GALNT13: variants seen among roughly 807,000 people sequenced by gnomAD.
The protein encoded by GALNT13 is UDP-GalNAc:polypeptide N-acetylgalactosaminyltransferase 13.
Under a neutral mutation model 64.2 loss-of-function variants are expected in GALNT13, and 28 were observed. That is an observed-to-expected ratio of 0.44 (90% CI 0.32 to 0.60). The LOEUF (loss-of-function observed/expected upper bound fraction) is 0.60. Ranked by LOEUF, GALNT13 falls within the 20% of genes least tolerant of loss-of-function variation. The probability of loss-of-function intolerance (pLI) is 0.05; values close to 1 mark genes in which losing one functional copy is unlikely to be tolerated. For missense variants in GALNT13, 577 were observed against 669.8 expected (o/e 0.86, Z 1.53); for synonymous variants, 214 against 224.6 (o/e 0.95, Z 0.42).
chr2:153,126,294 T>TTATA, the GALNT13 span, among the ~76,000 whole-genome samples: 119 of 50,908 alleles, frequency 2.3e-3, 7 homozygotes, highest in Non-Finnish European at 3.5e-3. Context: ...AGTATTGATT[T>TTATA]TGTATATATA....
chr2:153,446,849 G>A, the GALNT13 span: 12 of 152,078 alleles, frequency 7.9e-5, no homozygotes, highest in African/African-American at 2.9e-4. Context: ...CATTAGGTAA[G>A]CTGCTGCTGA....
chr2:154,309,126 A>G (rs1693896723), intron 9 of GALNT13, among the ~76,000 whole-genome samples: 1 of 152,228 alleles, frequency 6.6e-6, no homozygotes, highest in Non-Finnish European at 1.5e-5. Context: ...ACATGAGCAC[A>G]TGTAATTAGT....
chr2:153,983,945 C>CTGCAAT (rs1694630228), intron 3 of GALNT13, among the ~76,000 whole-genome samples: 2 of 152,042 alleles, frequency 1.3e-5, no homozygotes, highest in Admixed American at 1.3e-4. Context: ...TTAATGGTAT[C>CTGCAAT]ACAGAACTGC....
the GALNT13 span, among the ~76,000 whole-genome samples, chr2:153,690,582 T>C: frequency 1.3e-5 from 2 of 152,158 alleles, no homozygotes; most frequent in Non-Finnish European, 2.9e-5. Flanking sequence ...GGTCAGATGA[T>C]AGATTTATAG....
chr2:153,418,863 G>T, the GALNT13 span, among the ~76,000 whole-genome samples: 1 of 152,098 alleles, frequency 6.6e-6, no homozygotes. Context: ...GTCTGAAAAG[G>T]TAAATAAATA....
chr2:153,908,857 T>A (rs532113750), intron 2 of GALNT13, among the ~76,000 whole-genome samples: 4 of 152,038 alleles, frequency 2.6e-5, no homozygotes, highest in Admixed American at 6.6e-5. Context: ...TGCTGAGATA[T>A]CTTGCCTTGG....
chr2:154,333,475 C>A (rs959192169), intron 9 of GALNT13, among the ~76,000 whole-genome samples: 22 of 152,082 alleles, frequency 1.4e-4, no homozygotes, highest in Admixed American at 1.2e-3. Context: ...AAGTAGGAAA[C>A]TCAATTACAT....
At chr2:153,656,339 T>TGTGTGTGCGCGC in the GALNT13 span, among the ~76,000 whole-genome samples, 2 of 141,474 alleles carry the variant, frequency 1.4e-5, no homozygotes, top group African/African-American at 2.5e-5. Flanking sequence ...TGTGTGTGTG[T>TGTGTGTGCGCGC]GCGCGCGCAC....
chr2:153,645,327 G>A, the GALNT13 span, among the ~76,000 whole-genome samples: 14 of 151,872 alleles, frequency 9.2e-5, no homozygotes, highest in South Asian at 2.1e-4. Flanking sequence ...TTTTCCAATA[G>A]CATAATTTCA....
intron 11 of GALNT13, among the ~76,000 whole-genome samples, chr2:154,411,317 TAC>T (rs59114913): frequency 0.018 from 2,588 of 147,798 alleles, 58 homozygotes; most frequent in African/African-American, 0.054. Flanking sequence ...TAATTGCACA[TAC>T]ACACACACAC....
At chr2:153,549,440 A>T in the GALNT13 span, among the ~76,000 whole-genome samples, 1 of 152,198 alleles carries the variant, frequency 6.6e-6, no homozygotes, top group Non-Finnish European at 1.5e-5. Flanking sequence ...GGTAGAGCTT[A>T]TTTCCTTTCT....
At chr2:154,156,654 G>C (rs1684439555) in intron 4 of GALNT13, among the ~76,000 whole-genome samples, 1 of 152,124 alleles carries the variant, frequency 6.6e-6, no homozygotes, top group Admixed American at 6.6e-5. Flanking sequence ...GCTGACATTT[G>C]AAGTAAGGCT....
chr2:153,250,563 T>C, the GALNT13 span, among the ~76,000 whole-genome samples: 1 of 152,180 alleles, frequency 6.6e-6, no homozygotes. Flanking sequence ...ATCATTCTAC[T>C]ATAAAGACAC....
chr2:154,441,439 G>C (rs1300620880), intron 12 of GALNT13, among the ~76,000 whole-genome samples: 1 of 152,080 alleles, frequency 6.6e-6, no homozygotes, highest in South Asian at 2.1e-4. Flanking sequence ...CTCTGAGGTG[G>C]TGCAGGTTCA....
chr2:154,042,248 C>G lies in GALNT13; in HGVS notation c.142+97609C>G, dbSNP rs538529343. ...TGTTACCTTGAGCATAAAACGGAAA[C>G]GATGACATTACCCCAGTAATTATAG... On this transcript the variant is annotated intron_variant, in intron 3 of 12. Coordinates refer to ENST00000392825, the MANE Select transcript of GALNT13 (RefSeq NM_052917.4). Among the ~76,000 whole-genome samples, 3 of 139,532 alleles carry G rather than the reference C, an allele frequency of 2.2e-5. No individual in the cohort carries two copies. The Admixed American group carries it at 2.2e-4, about 10-fold the overall frequency. The allele number at this position is 139,532 out of a possible 152,430, so 91.5% of individuals were successfully genotyped here.
intron 3 of GALNT13, among the ~76,000 whole-genome samples, chr2:154,128,115 A>G (rs1030046867): frequency 5.3e-5 from 8 of 152,078 alleles, no homozygotes; most frequent in African/African-American, 1.2e-4. Flanking sequence ...ACAATGTTCT[A>G]TATAGGTCTG....
intron 9 of GALNT13, among the ~76,000 whole-genome samples, chr2:154,335,283 T>G (rs1355807821): frequency 6.6e-6 from 1 of 152,016 alleles, no homozygotes; most frequent in East Asian, 1.9e-4. Flanking sequence ...TAATATACAT[T>G]TCATCATAAC....
the GALNT13 span, among the ~76,000 whole-genome samples, chr2:153,133,661 A>G: frequency 6.6e-6 from 1 of 152,124 alleles, no homozygotes; most frequent in African/African-American, 2.4e-5. Flanking sequence ...TGAGAGTTGC[A>G]TTGTTCTGAA....
the GALNT13 span, among the ~76,000 whole-genome samples, chr2:153,247,742 C>CA: frequency 1.3e-5 from 2 of 151,870 alleles, no homozygotes; most frequent in Non-Finnish European, 2.9e-5. Flanking sequence ...GATAGAGACA[C>CA]AAAAAACGCT....
Sources: gnomAD v4.1 joint callset for allele counts (sites outside exome capture counted in the v4.1 genomes callset) on GRCh38, gnomAD v4.1.1 for gene constraint, MANE v1.5 for transcripts, NCBI Gene and HGNC (gene_info 2026-07-23, HGNC 2026-07-21) for gene names.